The following ZNF98 variants were observed in gnomAD, a reference collection of about 807,000 sequenced individuals.
ZNF98 encodes zinc finger protein 739.
Under a neutral mutation model 12.8 loss-of-function variants are expected in ZNF98, and 8 were observed. The observed-to-expected ratio is 0.63, with a 90% CI of 0.37 to 1.13. The LOEUF (loss-of-function observed/expected upper bound fraction) is 1.13. Ranked by LOEUF, ZNF98 falls within the 50% of genes most tolerant of loss-of-function variation. The pLI, the probability that ZNF98 is intolerant of heterozygous loss-of-function variation, is 0.01. For missense variants in ZNF98, 379 were observed against 666.1 expected (o/e 0.57, Z 4.74); for synonymous variants, 112 against 223.5 (o/e 0.50, Z 4.45).
intron 3 of ZNF98, among the ~76,000 whole-genome samples, chr19:22,401,474 T>A (rs1969456214): frequency 6.8e-6 from 1 of 146,884 alleles, no homozygotes; most frequent in Non-Finnish European, 1.5e-5. Flanking sequence ...TCATGTCTAT[T>A]GATTGAAAGA....
chr19:22,403,268 A>AAC, intron 2 of ZNF98, 118 bp downstream of exon 2: 2 of 1,305,248 alleles, frequency 1.5e-6, no homozygotes, highest in South Asian at 1.5e-5. Context: ...TAAAAAAAAA[A>AAC]AACAAAAAAA....
Position 22,392,204 on chromosome 19 carries a change from T to A in ZNF98, c.1031A>T (p.His344Leu). The change falls in exon 4 of 4, where the codon CAT becomes CTT. Residue 344 changes from histidine (H) to leucine (L), a missense_variant. Physicochemically the swap from His to Leu is moderately conservative, Grantham distance 99 (BLOSUM62 -3). Coordinates refer to ENST00000357774, the MANE Select transcript of ZNF98 (RefSeq NM_001098626.2). ...SSTLTTHKII[H>L]TGEKFYKCEE... Reference sequence around the variant, plus strand: ...ACATTTGTAGAATTTCTCTCCAGTATGAATTATCTTATGTGTAGTAAGGGT... The same window carrying A: ...ACATTTGTAGAATTTCTCTCCAGTAAGAATTATCTTATGTGTAGTAAGGGT... The A allele has an allele frequency of 6.2e-7, 1 of 1,607,130 alleles. No individual in the cohort carries two copies. The highest frequency in any genetic ancestry group is 8.5e-7 in the Non-Finnish European group (1 of 1,176,612).
At chr19:22,419,162 C>T (rs1364954926) in intron 1 of ZNF98, among the ~76,000 whole-genome samples, 2 of 152,116 alleles carry the variant, frequency 1.3e-5, no homozygotes, top group Non-Finnish European at 2.9e-5. Context: ...TTTTAAAGAT[C>T]TTATAGTAGG....
chr19:22,421,924 A>G (rs1969708595), intron 1 of ZNF98, among the ~76,000 whole-genome samples: 1 of 152,154 alleles, frequency 6.6e-6, no homozygotes, highest in African/African-American at 2.4e-5. Context: ...TCTGGGAGAG[A>G]CGCGGCACTG....
intron 1 of ZNF98, among the ~76,000 whole-genome samples, chr19:22,409,641 G>A (rs1431658592): frequency 4.6e-5 from 7 of 151,986 alleles, no homozygotes; most frequent in Non-Finnish European, 7.4e-5. Flanking sequence ...GCTGGAAGTG[G>A]TGGCTCACAC....
chr19:22,395,158 GC>G (rs1402780812), intron 3 of ZNF98, among the ~76,000 whole-genome samples: 1 of 130,420 alleles, frequency 7.7e-6, no homozygotes, highest in Admixed American at 8.7e-5. Context: ...GGTGACAGGA[GC>G]AAAACTCTGT....
chr19:22,409,433 G>A (rs1276368993), intron 1 of ZNF98, among the ~76,000 whole-genome samples: 1 of 152,040 alleles, frequency 6.6e-6, no homozygotes, highest in African/African-American at 2.4e-5. Context: ...AGCCAAAATT[G>A]AAGAATAAGA....
At position 22,391,276 on chromosome 19, in the gene ZNF98, TAA is replaced by T. The variant is rs1337455094; in HGVS notation, c.*238_*239del. Reference sequence around the variant, plus strand: ...ACAGTAATTGCACCTTTAATGCTATTAAGTATAAATTCTCTGATGCTGAATAA... The same window carrying T: ...ACAGTAATTGCACCTTTAATGCTATTGTATAAATTCTCTGATGCTGAATAA... On this transcript the variant is annotated 3_prime_UTR_variant, in exon 4 of 4. Transcript: ENST00000357774. The T allele has an allele frequency of 5.2e-6, 4 of 771,846 alleles. No individual in the cohort carries two copies. Among genetic ancestry groups the T allele is most frequent in the Non-Finnish European group, 7.7e-6 (4 of 520,394 alleles). The allele number at this position is 771,846 out of a possible 1,614,324, so 47.8% of individuals were successfully genotyped here. A position where few individuals can be genotyped will look rare whatever the true frequency, so the allele number is the denominator to read the frequency against.
intron 1 of ZNF98, among the ~76,000 whole-genome samples, chr19:22,420,928 C>G (rs1969696765): frequency 6.6e-6 from 1 of 152,178 alleles, no homozygotes; most frequent in Non-Finnish European, 1.5e-5. Context: ...ATGGGAAATA[C>G]TTACAAACAG....
At chr19:22,420,252 T>C (rs1458471203) in intron 1 of ZNF98, among the ~76,000 whole-genome samples, 1 of 152,206 alleles carries the variant, frequency 6.6e-6, no homozygotes, top group Non-Finnish European at 1.5e-5. Context: ...CACTCCAACC[T>C]GCTCACTTAA....
intron 1 of ZNF98, among the ~76,000 whole-genome samples, chr19:22,416,839 A>T (rs1187429383): frequency 2.0e-5 from 3 of 152,194 alleles, no homozygotes; most frequent in Non-Finnish European, 4.4e-5. Flanking sequence ...ACACACACAC[A>T]CAGATCATGT....
chr19:22,422,301 G>T lies in ZNF98; in HGVS notation c.-77C>A. ...CCTCTACGAGCAGAGGACACAGAAG[G>T]GCGAAGACGAGACCAGGAACTCCGG... On this transcript the variant is annotated 5_prime_UTR_variant, in exon 1 of 4. Transcript: ENST00000357774. The T allele has an allele frequency of 3.2e-6, 5 of 1,574,528 alleles. No individual in the cohort carries two copies. In the South Asian group the frequency reaches 3.3e-5, roughly 10 times the overall value.
chr19:22,405,765 C>T (rs988411167), intron 1 of ZNF98, among the ~76,000 whole-genome samples: 1 of 152,130 alleles, frequency 6.6e-6, no homozygotes, highest in African/African-American at 2.4e-5. Context: ...ATCTGAGCTC[C>T]CCGGGGAGGG....
chr19:22,395,178 G>GAAAAAAAAAAAAAAAAAAAAAAA (rs71180538), intron 3 of ZNF98, among the ~76,000 whole-genome samples: 1 of 99,874 alleles, frequency 1.0e-5, no homozygotes, highest in Non-Finnish European at 1.9e-5. Context: ...GTTTCAAAAA[G>GAAAAAAAAAAAAAAAAAAAAAAA]AAAAAAAAAA....
intron 3 of ZNF98, 81 bp from the exon 4 acceptor site, chr19:22,393,062 T>C (rs188168120): frequency 1.5e-5 from 20 of 1,336,660 alleles, no homozygotes; most frequent in South Asian, 1.4e-4. Flanking sequence ...TATAAAATTA[T>C]ACAAACTACA....
chr19:22,398,762 A>C (rs1355586796), intron 3 of ZNF98, among the ~76,000 whole-genome samples: 1 of 152,122 alleles, frequency 6.6e-6, no homozygotes, highest in African/African-American at 2.4e-5. Flanking sequence ...AACCTTTCCA[A>C]AAATTACCTT....
At chr19:22,393,986 C>A (rs1969362231) in intron 3 of ZNF98, among the ~76,000 whole-genome samples, 1 of 149,570 alleles carries the variant, frequency 6.7e-6, no homozygotes, top group Non-Finnish European at 1.5e-5. Flanking sequence ...AACAAATTTA[C>A]AAGAAAAAAA....
At chr19:22,416,006 T>C (rs1352438062) in intron 1 of ZNF98, among the ~76,000 whole-genome samples, 1 of 128,988 alleles carries the variant, frequency 7.8e-6, no homozygotes, top group African/African-American at 3.1e-5. Context: ...TAGCTGGGCG[T>C]GGTGGCAGGT....
At chr19:22,398,383 T>C (rs1360041962) in intron 3 of ZNF98, among the ~76,000 whole-genome samples, 4 of 151,574 alleles carry the variant, frequency 2.6e-5, no homozygotes, top group Non-Finnish European at 4.4e-5. Flanking sequence ...TACAGTGTTT[T>C]TGAGTCAGGG....
Sources: allele counts gnomAD v4.1 joint callset (sites outside exome capture counted in the v4.1 genomes callset), GRCh38; gene constraint gnomAD v4.1.1; transcripts MANE v1.5; gene names NCBI Gene and HGNC (gene_info 2026-07-23, HGNC 2026-07-21).